Variants in EMSY observed in about 807,000 individuals in gnomAD.
EMSY encodes BRCA2-interacting transcriptional repressor EMSY.
Under a neutral mutation model 134.6 loss-of-function variants are expected in EMSY, and 26 were observed. The observed-to-expected ratio is 0.19, with a 90% CI of 0.14 to 0.27. EMSY has a LOEUF of 0.27. EMSY is among the 10% of genes least tolerant of loss of function. EMSY has a pLI of 1.00. For synonymous variants in EMSY, 579 were observed against 577.8 expected (o/e 1.00, Z -0.03); for missense variants, 1,305 against 1,611.4 (o/e 0.81, Z 3.26).
intron 11 of EMSY, among the ~76,000 whole-genome samples, chr11:76,518,684 C>CATATATATATATATATAT (rs796392038): frequency 6.7e-4 from 82 of 121,580 alleles, no homozygotes; most frequent in South Asian, 1.5e-3. Context: ...TGTGTGCGCG[C>CATATATATATATATATAT]ATATATATAT....
chr11:76,458,110 T>A (rs34407750), intron 4 of EMSY, 73 bp from the exon 6 acceptor site: 55,972 of 1,395,922 alleles, frequency 0.04, 1,249 homozygotes, highest in Non-Finnish European at 0.044. Flanking sequence ...AAGTTATATA[T>A]GTTTGAGCAT....
intron 9 of EMSY, among the ~76,000 whole-genome samples, chr11:76,497,781 AC>A (rs1158523360): frequency 2.0e-5 from 3 of 152,066 alleles, no homozygotes; most frequent in Non-Finnish European, 2.9e-5. Context: ...TTTTTTAAGA[AC>A]TAGATTTTTG....
At chr11:76,492,564 GTA>G (rs1199379155) in intron 8 of EMSY, among the ~76,000 whole-genome samples, 5 of 152,212 alleles carry the variant, frequency 3.3e-5, no homozygotes, top group African/African-American at 4.8e-5. Context: ...CTGTACAAAA[GTA>G]TGTGGAAATC....
intron 8 of EMSY, among the ~76,000 whole-genome samples, chr11:76,488,539 T>G (rs1478578393): frequency 6.6e-6 from 1 of 152,138 alleles, no homozygotes; most frequent in Non-Finnish European, 1.5e-5. Flanking sequence ...TTTTTTGTTT[T>G]TTTTTTTATT....
chr11:76,447,137 A>T (rs939715589), intron 2 of EMSY, 129 bp downstream of exon 2: 7 of 817,928 alleles, frequency 8.6e-6, no homozygotes, highest in Non-Finnish European at 1.1e-5. Flanking sequence ...TACAGTTCCC[A>T]TCTTACTCAT....
chr11:76,552,091 A>G (rs1303414909), downstream of EMSY: 1 of 152,242 alleles, frequency 6.6e-6, no homozygotes, highest in Non-Finnish European at 1.5e-5. Flanking sequence ...AATTACAAAT[A>G]TTAAGAAATT....
chr11:76,463,369 A>G (rs1948207698), intron 6 of EMSY, among the ~76,000 whole-genome samples: 1 of 150,800 alleles, frequency 6.6e-6, no homozygotes, highest in South Asian at 2.1e-4. Flanking sequence ...CACGCCTGTA[A>G]TCCCAGCACT....
In EMSY at chr11:76,474,849, C is replaced by T. The variant is rs1271381432; in HGVS notation, c.1108+2009C>T. Among the ~76,000 whole-genome samples, 6 of 152,216 alleles carry T rather than the reference C, an allele frequency of 3.9e-5. No individual in the cohort carries two copies. The East Asian group carries it at 5.8e-4, about 15-fold the overall frequency. ...CATGATCTTGGCTTCCTGCAACCTC[C>T]GCCTCCCGGGTTCAAGCAATTCTCC... On this transcript the variant is annotated intron_variant, in intron 8 of 20. Transcript: ENST00000334736.
chr11:76,472,814 C>T (rs2135365970), exon 8 of EMSY: 2 of 1,614,146 alleles, frequency 1.2e-6, no homozygotes, highest in Non-Finnish European at 1.7e-6. Flanking sequence ...TCTACACCAT[C>T]TGTGGTCATG....
At chr11:76,463,723 CAGAG>C (rs1948233692) in intron 6 of EMSY, 94 bp from the exon 8 acceptor site, 3 of 1,350,102 alleles carry the variant, frequency 2.2e-6, no homozygotes, top group Non-Finnish European at 3.0e-6. Flanking sequence ...TGGCTTAAGA[CAGAG>C]AGAGGACAAG....
chr11:76,505,586 A>T (rs1590923117), intron 9 of EMSY, among the ~76,000 whole-genome samples: 2 of 148,558 alleles, frequency 1.3e-5, no homozygotes, highest in Non-Finnish European at 3.0e-5. Flanking sequence ...GGCTGGGCAC[A>T]GTGGCTCACG....
At chr11:76,479,094 T>TA (rs969614770) in intron 8 of EMSY, among the ~76,000 whole-genome samples, 633 of 149,088 alleles carry the variant, frequency 4.2e-3, no homozygotes, top group Admixed American at 6.3e-3. Context: ...CTTCTTGTTT[T>TA]AAAAAAAAAA....
At chr11:76,447,407 CAGTATTTGAACCAGGG>C (rs1947463625) in intron 2 of EMSY, among the ~76,000 whole-genome samples, 1 of 152,176 alleles carries the variant, frequency 6.6e-6, no homozygotes, top group Non-Finnish European at 1.5e-5. Context: ...GACATGGAGT[CAGTATTTGAACCAGGG>C]AGTATGCTTT....
At chr11:76,509,668 TG>T (rs138011683) in intron 9 of EMSY, among the ~76,000 whole-genome samples, 1 of 151,824 alleles carries the variant, frequency 6.6e-6, no homozygotes, top group Non-Finnish European at 1.5e-5. Context: ...TTGTTAAAGG[TG>T]GGGGGGAAAG....
chr11:76,471,753 CT>C (rs1325141543), intron 7 of EMSY, among the ~76,000 whole-genome samples: 1 of 152,166 alleles, frequency 6.6e-6, no homozygotes, highest in Non-Finnish European at 1.5e-5. Flanking sequence ...TGTCAACATG[CT>C]CTTACATGGT....
At chr11:76,490,536 G>C (rs1949375637) in intron 8 of EMSY, among the ~76,000 whole-genome samples, 1 of 152,138 alleles carries the variant, frequency 6.6e-6, no homozygotes, top group Non-Finnish European at 1.5e-5. Context: ...ACTATTTCAT[G>C]TATTGTGTTA....
chr11:76,523,820 G>A (rs12284809), intron 12 of EMSY, among the ~76,000 whole-genome samples: 2 of 150,462 alleles, frequency 1.3e-5, no homozygotes, highest in Non-Finnish European at 3.0e-5. Context: ...TGAGGTGGGA[G>A]AATCGCTTTA....
chr11:76,535,823 A>G, intron 14 of EMSY, 72 bp from the exon 16 acceptor site: 2 of 1,133,334 alleles, frequency 1.8e-6, no homozygotes, highest in Non-Finnish European at 2.3e-6. Flanking sequence ...AGACAAAAAA[A>G]TTGTTTGTTT....
At chr11:76,487,896 C>T (rs1949253576) in intron 8 of EMSY, among the ~76,000 whole-genome samples, 1 of 152,234 alleles carries the variant, frequency 6.6e-6, no homozygotes, top group African/African-American at 2.4e-5. Flanking sequence ...TATCATTTTA[C>T]ACCTGATTTT....
Sources: gnomAD v4.1 joint callset for allele counts (sites outside exome capture counted in the v4.1 genomes callset) on GRCh38, gnomAD v4.1.1 for gene constraint, MANE v1.5 for transcripts, NCBI Gene and HGNC (gene_info 2026-07-23, HGNC 2026-07-21) for gene names.